Variants in KDSR observed in about 807,000 individuals in gnomAD.
KDSR encodes the protein 3-dehydrosphinganine reductase.
KDSR carries 23 observed loss-of-function variants against 41.3 expected under a neutral mutation model. The ratio of observed to expected loss-of-function variants is 0.56; its 90% confidence interval spans 0.40 to 0.79. KDSR has a LOEUF of 0.79. Ranked by LOEUF, KDSR falls within the 30% of genes least tolerant of loss-of-function variation. KDSR has a pLI of 0.00. For missense variants in KDSR, 351 were observed against 416.8 expected (o/e 0.84, Z 1.37); for synonymous variants, 138 against 151.7 (o/e 0.91, Z 0.66).
chr18:63,336,617 A>G (rs954041115), intron 8 of KDSR, among the ~76,000 whole-genome samples: 5 of 152,264 alleles, frequency 3.3e-5, no homozygotes, highest in Admixed American at 1.3e-4. Context: ...CATATTTTCC[A>G]AATGACTAAT....
rs1914912215 is a variant in KDSR, at chr18:63,359,831, T to C, written c.199-39A>G. 5.9e-6 allele frequency: 8 copies of C among 1,345,224 alleles called. No homozygotes were observed. In the East Asian group the frequency reaches 1.8e-4, roughly 31 times the overall value. 83.3% of individuals were successfully genotyped at this position (1,345,224 alleles called of 1,614,324 possible). A position where few individuals can be genotyped will look rare whatever the true frequency, so the allele number is the denominator to read the frequency against. ...AGAATAATTAGTCGTGATGACCGTC[T>C]ATATGCATGTCCGTTTATTGCAAAG... On this transcript the variant is annotated intron_variant, in intron 2 of 9. Coordinates refer to ENST00000645214, the MANE Select transcript of KDSR (RefSeq NM_002035.4).
intron 1 of KDSR, chr18:63,366,162 G>C (rs1415423466): frequency 6.6e-6 from 1 of 152,256 alleles, no homozygotes; most frequent in Non-Finnish European, 1.5e-5. Context: ...CGCAGGCAAG[G>C]AGGCATTCTC....
chr18:63,364,730 C>A (rs925027597), intron 1 of KDSR, among the ~76,000 whole-genome samples: 1 of 152,164 alleles, frequency 6.6e-6, no homozygotes, highest in Non-Finnish European at 1.5e-5. Flanking sequence ...AGGAGTGAGC[C>A]ACTGTACCCG....
chr18:63,361,581 C>T (rs1248293484), intron 2 of KDSR, among the ~76,000 whole-genome samples: 4 of 151,924 alleles, frequency 2.6e-5, no homozygotes, highest in Non-Finnish European at 5.9e-5. Context: ...CTTTGGGAGG[C>T]CAAGGCGGGC....
chr18:63,360,175 G>T (rs954043486), intron 2 of KDSR, among the ~76,000 whole-genome samples: 1 of 151,838 alleles, frequency 6.6e-6, no homozygotes, highest in Non-Finnish European at 1.5e-5. Flanking sequence ...AAAGTTGAGG[G>T]TATGTGTGAC....
At position 63,348,021 on chromosome 18, in the gene KDSR, C is replaced by T. The variant is rs192878882; in HGVS notation, c.609+2867G>A. 1.6e-4 allele frequency among the ~76,000 whole-genome samples: 24 copies of T among 152,196 alleles called. No individual in the cohort carries two copies. The East Asian group carries it at 3.7e-3, about 23-fold the overall frequency. ...TTTACAGGCCAGACACAGTGGCTCA[C>T]ACCTCCTGTAATCCCAGAACTTTGG... On this transcript the variant is annotated intron_variant, in intron 6 of 9. Coordinates refer to ENST00000645214, the MANE Select transcript of KDSR (RefSeq NM_002035.4).
At chr18:63,362,200 G>A (rs1021068954) in intron 2 of KDSR, among the ~76,000 whole-genome samples, 2 of 152,258 alleles carry the variant, frequency 1.3e-5, no homozygotes, top group African/African-American at 4.8e-5. Context: ...CAGTGTCACT[G>A]CTTTGTGCTC....
intron 3 of KDSR, among the ~76,000 whole-genome samples, chr18:63,357,122 A>G (rs1321907704): frequency 2.0e-5 from 3 of 152,340 alleles, no homozygotes; most frequent in African/African-American, 7.2e-5. Context: ...GAAAAAGTCA[A>G]TGAATACCAC....
chr18:63,345,832 C>T (rs374962707), intron 6 of KDSR: 5 of 151,672 alleles, frequency 3.3e-5, no homozygotes, highest in East Asian at 3.9e-4. Flanking sequence ...ATCCCAACTA[C>T]TTGGGAGGCT....
rs149808877 is a variant in KDSR at position 63,359,759 on chromosome 18, T to C, written c.232A>G (p.Met78Val). 6.8e-6 allele frequency: 11 copies of C among 1,608,810 alleles called. No homozygotes were observed. In the African/African-American group the frequency reaches 1.2e-4, roughly 18 times the overall value. ...ACCTGTTTGTCATTAATAGAGTGCA[T>C]TTCAATTTCTTTCTTTGCCTGCAGC... Reference protein sequence around the residue: ...KLLQAKKEIEMHSINDKQVVL... With the variant: ...KLLQAKKEIEVHSINDKQVVL... Residue 78 changes from methionine (M) to valine (V), a missense_variant, in exon 3 of 10, where the codon ATG becomes GTG. Physicochemically the swap from Met to Val is conservative, Grantham distance 21. Transcript: ENST00000645214.
In KDSR at chr18:63,331,627, G is replaced by T; in HGVS notation, c.*155C>A. ...AATACTGTCAGGAGGTGAACTTCTAGCCCCTTGCTTGCAGCCACATTCCTG... is the reference window on the plus strand; with the variant it reads ...AATACTGTCAGGAGGTGAACTTCTATCCCCTTGCTTGCAGCCACATTCCTG... On this transcript the variant is annotated 3_prime_UTR_variant, in exon 10 of 10. Transcript: ENST00000645214. 1.6e-6 allele frequency: 1 copy of T among 627,672 alleles called. No individual in the cohort carries two copies. The highest frequency in any genetic ancestry group is 2.7e-6 in the Non-Finnish European group (1 of 364,714). 38.9% of individuals were successfully genotyped at this position (627,672 alleles called of 1,614,324 possible).
chr18:63,334,397 C>T (rs1221120482), intron 9 of KDSR, among the ~76,000 whole-genome samples: 1 of 149,796 alleles, frequency 6.7e-6, no homozygotes, highest in African/African-American at 2.4e-5. Context: ...GTAGCCTAGG[C>T]TGGAGTGCAG....
At chr18:63,338,658 G>T in intron 8 of KDSR, 142 bp downstream of exon 8, 1 of 629,748 alleles carries the variant, frequency 1.6e-6, no homozygotes, top group South Asian at 2.0e-5. Flanking sequence ...AAGAAAAGTT[G>T]AGTCCAATAT....
In KDSR at chr18:63,330,023, A is replaced by G. The variant is rs950150877; in HGVS notation, c.*1759T>C. On this transcript the variant is annotated 3_prime_UTR_variant, in exon 10 of 10. Coordinates refer to ENST00000645214, the MANE Select transcript of KDSR (RefSeq NM_002035.4). ...GCAATGAAATCATTCCAAGCAATTT[A>G]TATATTAAATAATAATTTCTTCTGT... The G allele has an allele frequency of 1.6e-5, 3 of 184,810 alleles. No homozygotes were observed. Among genetic ancestry groups the G allele is most frequent in the African/African-American group, 2.3e-5 (1 of 42,600 alleles). 11.4% of individuals were successfully genotyped at this position (184,810 alleles called of 1,614,324 possible). A position where few individuals can be genotyped will look rare whatever the true frequency, so the allele number is the denominator to read the frequency against.
chr18:63,357,594 A>ATATATATTTT (rs1555715128), intron 3 of KDSR, among the ~76,000 whole-genome samples: 5 of 120,808 alleles, frequency 4.1e-5, no homozygotes, highest in Non-Finnish European at 4.8e-5. Flanking sequence ...ATATATATAT[A>ATATATATTTT]TTTTTTTTTG....
In KDSR at chr18:63,339,181, AGTTC is replaced by A. The variant is rs1409521128; in HGVS notation, c.694-302_694-299del. On this transcript the variant is annotated intron_variant, in intron 7 of 9. Coordinates refer to ENST00000645214, the MANE Select transcript of KDSR (RefSeq NM_002035.4). The stretch of plus-strand genomic sequence containing the variant: ...GAGTGAGAACACATCACTGGATACA[AGTTC>A]AGAAAGACCCCCTTTGACTCCTCAG... 1.8e-3 allele frequency among the ~76,000 whole-genome samples: 281 copies of A among 152,352 alleles called. 5 individuals are homozygous for A. The East Asian group carries it at 0.034, about 18-fold the overall frequency.
chr18:63,330,357 C>A lies in KDSR; in HGVS notation c.*1425G>T, dbSNP rs1490596746. Reference sequence around the variant, plus strand: ...ACAGGTTACAAGATCAAGGTGAAGGCAGCTCTCCTCAAGTCAGAGGAGTGT... The same window carrying A: ...ACAGGTTACAAGATCAAGGTGAAGGAAGCTCTCCTCAAGTCAGAGGAGTGT... On this transcript the variant is annotated 3_prime_UTR_variant, in exon 10 of 10. Transcript: ENST00000645214. 3.5e-5 allele frequency: 8 copies of A among 226,146 alleles called. No homozygotes were observed. Among genetic ancestry groups the A allele is most frequent in the Admixed American group, 2.9e-4 (5 of 17,494 alleles). The allele number at this position is 226,146 out of a possible 1,614,324, so 14.0% of individuals were successfully genotyped here.
intron 1 of KDSR, chr18:63,366,805 C>G: frequency 2.6e-6 from 1 of 387,996 alleles, no homozygotes; most frequent in Non-Finnish European, 4.6e-6. Context: ...AGGAGGAGCC[C>G]GAGGCTGCGG....
At chr18:63,337,397 C>T (rs1375188851) in intron 8 of KDSR, among the ~76,000 whole-genome samples, 3 of 152,074 alleles carry the variant, frequency 2.0e-5, no homozygotes, top group East Asian at 1.9e-4. Context: ...ATTACAGGCA[C>T]GAGTCACTGT....
Sources: allele counts gnomAD v4.1 joint callset (sites outside exome capture counted in the v4.1 genomes callset), GRCh38; gene constraint gnomAD v4.1.1; transcripts MANE v1.5; gene names NCBI Gene and HGNC (gene_info 2026-07-23, HGNC 2026-07-21).